Variants in CEP295 observed in about 807,000 individuals in gnomAD.
CEP295 encodes centrosomal protein of 295 kDa.
Under a neutral mutation model 291.6 loss-of-function variants are expected in CEP295, and 190 were observed. The ratio of observed to expected loss-of-function variants is 0.65; its 90% CI spans 0.58 to 0.73. CEP295 has a LOEUF of 0.73. CEP295 is among the 30% of genes least tolerant of loss of function. CEP295 has a pLI of 0.00. For missense variants in CEP295, 2,863 were observed against 2,949.4 expected (o/e 0.97, Z 0.68); for synonymous variants, 993 against 1,038.8 (o/e 0.96, Z 0.85).
Position 93,674,676 on chromosome 11 carries a change from T to G in CEP295, c.529-895T>G, listed in dbSNP as rs76358885. The stretch of plus-strand genomic sequence containing the variant: ...GAGGGACAGAAAAGTTGAGGGACTT[T>G]GCTAAGTTTTCACTACTGGGATATA... On this transcript the variant is annotated intron_variant, in intron 5 of 29. Transcript: ENST00000325212. Among the ~76,000 whole-genome samples, 1,498 of 151,678 alleles carry G rather than the reference T, an allele frequency of 9.9e-3. 26 individuals are homozygous for G. Among genetic ancestry groups the G allele is most frequent in the African/African-American group, 0.033 (1,358 of 41,566 alleles).
rs758379057 is a variant in CEP295 at position 93,721,556 on chromosome 11, C to T, written c.5850+144C>T. 6.9e-5 allele frequency: 53 copies of T among 772,690 alleles called. No homozygotes were observed. In the African/African-American group the frequency reaches 8.5e-4, roughly 12 times the overall value. The allele number at this position is 772,690 out of a possible 1,614,324, so 47.9% of individuals were successfully genotyped here. A position where few individuals can be genotyped will look rare whatever the true frequency, so the allele number is the denominator to read the frequency against. On this transcript the variant is annotated intron_variant, in intron 19 of 29. Coordinates refer to ENST00000325212, the MANE Select transcript of CEP295 (RefSeq NM_033395.2). ...TTAGTGAAGTGGATCAATGATGAAACTAGCCAAATCTGAGCATCAGAAGTC... is the reference window on the plus strand; with the variant it reads ...TTAGTGAAGTGGATCAATGATGAAATTAGCCAAATCTGAGCATCAGAAGTC...
rs780221517 is a variant in CEP295, at chr11:93,727,029, A to T, written c.6553A>T (p.Ser2185Cys). ...LQPEYSSQEE[S>C]QHADLPSIFS... is the part of the protein sequence containing the mutation. ...GCCAGAATATTCTTCACAGGAGGAG[A>T]GCCAGCATGCTGATCTACCAAGTAT... The change falls in exon 24 of 30, where the codon AGC (serine) becomes TGC (cysteine). Residue 2185 changes from serine to cysteine, a missense_variant. This residue lies in a region of CEP295 where 2,295 missense variants were observed against 2,335.7 expected (regional missense o/e 0.98). Transcript: ENST00000325212. 1.3e-6 allele frequency: 2 copies of T among 1,549,594 alleles called. No homozygotes were observed. Among genetic ancestry groups the T allele is most frequent in the South Asian group, 1.2e-5 (1 of 83,356 alleles).
chr11:93,703,339 C>G (rs927657107), intron 17 of CEP295, among the ~76,000 whole-genome samples: 1 of 150,732 alleles, frequency 6.6e-6, no homozygotes, highest in African/African-American at 2.4e-5. Flanking sequence ...AAAAAAGAAA[C>G]CTAGACTGAC....
At chr11:93,684,244 G>GCTCCCATCAGTATT in intron 9 of CEP295, 116 bp downstream of exon 9, 1 of 721,886 alleles carries the variant, frequency 1.4e-6, no homozygotes, top group Non-Finnish European at 2.2e-6. Context: ...GAGTAATACT[G>GCTCCCATCAGTATT]ATGGGAGCAG....
chr11:93,727,483 C>A lies in CEP295; in HGVS notation c.7007C>A (p.Ala2336Glu), dbSNP rs1197402481. The change falls in exon 24 of 30, where the codon GCA (alanine) becomes GAA (glutamate). Residue 2336 changes from alanine (A) to glutamate (E), a missense_variant. Around this residue, in one of 3 missense-constraint regions of CEP295, gnomAD observed 2,295 missense variants for 2,335.7 expected, o/e 0.98. Coordinates refer to ENST00000325212, the MANE Select transcript of CEP295 (RefSeq NM_033395.2). Reference sequence around the variant, plus strand: ...GTGGAGATGGGAACTTCAATTCAGGCACCATATTCCTTAACTACTCAAAAT... The same window carrying A: ...GTGGAGATGGGAACTTCAATTCAGGAACCATATTCCTTAACTACTCAAAAT... ...RTVEMGTSIQ[A>E]PYSLTTQNEK... 2 of 1,551,960 alleles carry A rather than the reference C, an allele frequency of 1.3e-6. No homozygotes were observed. The highest frequency in any genetic ancestry group is 2.4e-5 in the South Asian group (2 of 84,054).
At chr11:93,694,731 A>G (rs1348417186) in intron 12 of CEP295, among the ~76,000 whole-genome samples, 1 of 152,248 alleles carries the variant, frequency 6.6e-6, no homozygotes, top group Non-Finnish European at 1.5e-5. Context: ...GGACAGTGCA[A>G]GATTTCATCA....
intron 1 of CEP295, among the ~76,000 whole-genome samples, chr11:93,665,162 A>G (rs1177487057): frequency 1.3e-5 from 2 of 152,230 alleles, no homozygotes; most frequent in African/African-American, 4.8e-5. Flanking sequence ...CTGCCTGGTC[A>G]TTGTGAGGGA....
rs1280388501 is a variant in CEP295 at position 93,696,981 on chromosome 11, C to T, written c.2069C>T (p.Thr690Ile). 1.3e-6 allele frequency: 2 copies of T among 1,551,588 alleles called. No individual in the cohort carries two copies. The highest frequency in any genetic ancestry group is 3.9e-5 in the Admixed American group (2 of 50,996). ...NHFPQRQVET[T>I]ETLRASDILT... Reference sequence around the variant, plus strand: ...TTTCCACAAAGACAGGTGGAAACAACAGAAACATTACGCGCTTCAGATATT... The same window carrying T: ...TTTCCACAAAGACAGGTGGAAACAATAGAAACATTACGCGCTTCAGATATT... Residue 690 changes from threonine to isoleucine, a missense_variant, in exon 15 of 30, where the codon ACA (threonine) becomes ATA (isoleucine). This residue lies in a region of CEP295 where 2,295 missense variants were observed against 2,335.7 expected (regional missense o/e 0.98). Coordinates refer to ENST00000325212, the MANE Select transcript of CEP295 (RefSeq NM_033395.2).
chr11:93,721,668 GTGTGT>G, intron 19 of CEP295: 1 of 160,154 alleles, frequency 6.2e-6, no homozygotes, highest in Non-Finnish European at 1.0e-5. Context: ...TATGTCTGGT[GTGTGT>G]GTGTGTGTGT....
intron 22 of CEP295, 51 bp from the exon 23 acceptor site, chr11:93,725,600 A>G (rs770169647): frequency 5.8e-5 from 80 of 1,370,946 alleles, no homozygotes; most frequent in African/African-American, 2.1e-4. Flanking sequence ...TATTGTTTCA[A>G]TTGTTAATAC....
In CEP295 at chr11:93,690,519, A is replaced by G. The variant is rs57415308; in HGVS notation, c.1337-1164A>G. ...GCTTGCAGTGAGCCGAGATCGGGCC[A>G]CTGCATTCCAGCCTGGGTGACAGAG... On this transcript the variant is annotated intron_variant, in intron 10 of 29. Transcript: ENST00000325212. 9.6e-3 allele frequency among the ~76,000 whole-genome samples: 1,416 copies of G among 146,768 alleles called. 23 individuals carry two copies. The highest frequency in any genetic ancestry group is 0.033 in the African/African-American group (1,282 of 39,242).
Position 93,687,822 on chromosome 11 carries a change from A to G in CEP295, c.1293A>G (p.Thr431=). 6.4e-7 allele frequency: 1 copy of G among 1,551,264 alleles called. No homozygotes were observed. Among genetic ancestry groups the G allele is most frequent in the Non-Finnish European group, 8.7e-7 (1 of 1,146,710 alleles). The change falls in exon 10 of 30, where the codon ACA becomes ACG. Residue 431 remains threonine, a synonymous_variant. Transcript: ENST00000325212. ...ESKAPTVESG[T]IASKERTLSS... ...AAGCACCAACGGTTGAGTCAGGAAC[A>G]ATTGCCAGCAAAGAGAGAACGTTAT...
intron 17 of CEP295, among the ~76,000 whole-genome samples, chr11:93,704,210 A>G (rs1044367177): frequency 2.0e-5 from 3 of 152,200 alleles, no homozygotes; most frequent in African/African-American, 7.2e-5. Context: ...GTCAATAGAA[A>G]GGTACTTAGA....
chr11:93,697,707 T>C lies in CEP295; in HGVS notation c.2795T>C (p.Leu932Pro), dbSNP rs1372763711. 1 of 1,551,732 alleles carries C rather than the reference T, an allele frequency of 6.4e-7. No homozygotes were observed. The highest frequency in any genetic ancestry group is 1.4e-5 in the African/African-American group (1 of 73,180). Residue 932 changes from leucine to proline, a missense_variant, in exon 15 of 30, where the codon CTT (leucine) becomes CCT (proline). Around this residue, in one of 3 missense-constraint regions of CEP295, gnomAD observed 2,295 missense variants for 2,335.7 expected, o/e 0.98. Coordinates refer to ENST00000325212, the MANE Select transcript of CEP295 (RefSeq NM_033395.2). Reference sequence around the variant, plus strand: ...TCAGACCATCATGTGATCTCACAACTTCAGGATAAGCGTTTGAGTCTTTCA... The same window carrying C: ...TCAGACCATCATGTGATCTCACAACCTCAGGATAAGCGTTTGAGTCTTTCA... ...VSSDHHVISQ[L>P]QDKRLSLSQP...
intron 3 of CEP295, among the ~76,000 whole-genome samples, chr11:93,668,392 G>T (rs182270287): frequency 6.6e-6 from 1 of 152,062 alleles, no homozygotes; most frequent in East Asian, 1.9e-4. Flanking sequence ...AGTAATAGCC[G>T]TAAGTTCTGA....
intron 10 of CEP295, among the ~76,000 whole-genome samples, chr11:93,688,271 C>T (rs923462520): frequency 6.6e-6 from 1 of 152,068 alleles, no homozygotes; most frequent in South Asian, 2.1e-4. Context: ...GGCTTTTGAG[C>T]GTGTTGTATT....
chr11:93,674,457 G>A (rs1216657954), intron 5 of CEP295, among the ~76,000 whole-genome samples: 4 of 152,250 alleles, frequency 2.6e-5, no homozygotes, highest in South Asian at 4.2e-4. Flanking sequence ...TCCTAGCTAT[G>A]GTAGGCCGAA....
At chr11:93,683,775 A>AT in intron 8 of CEP295, 33 bp downstream of exon 8, 1 of 1,506,412 alleles carries the variant, frequency 6.6e-7, no homozygotes, top group Non-Finnish European at 8.9e-7. Flanking sequence ...TTCAATAGTG[A>AT]TTTTATACGT....
chr11:93,674,773 T>C (rs10765629), intron 5 of CEP295, among the ~76,000 whole-genome samples: 139,794 of 152,228 alleles, frequency 0.92, 65,019 homozygotes, highest in East Asian at 0.99. Context: ...ATCTGTAAAA[T>C]GCATGGTTTA....
Sources: gnomAD v4.1 joint callset for allele counts (sites outside exome capture counted in the v4.1 genomes callset) on GRCh38, gnomAD v4.1.1 for gene constraint, gnomAD v4.1.1 regional missense constraint, MANE v1.5 for transcripts, NCBI Gene and HGNC (gene_info 2026-07-23, HGNC 2026-07-21) for gene names.